IPO11: variants seen among roughly 807,000 people sequenced by gnomAD.
The protein encoded by IPO11 is importin 11.
A neutral mutation model predicts 143.2 loss-of-function variants in IPO11; 66 were observed. The ratio of observed to expected loss-of-function variants is 0.46; its 90% CI spans 0.38 to 0.57. The LOEUF (loss-of-function observed/expected upper bound fraction) is 0.57, where lower values mean the gene tolerates loss of function less well. Ranked by LOEUF, IPO11 falls within the 20% of genes least tolerant of loss-of-function variation. The pLI is 0.00. For synonymous variants in IPO11, 385 were observed against 377.8 expected, an observed-to-expected ratio of 1.02 and a Z score of -0.22; for missense variants, 1,026 against 1,141.0, an observed-to-expected ratio of 0.90 and a Z score of 1.45.
intron 27 of IPO11, among the ~76,000 whole-genome samples, chr5:62,587,182 T>G (rs2112419762): frequency 6.6e-6 from 1 of 151,434 alleles, no homozygotes; most frequent in African/African-American, 2.4e-5. Context: ...GCGACACTGC[T>G]GTGTGTGTGT....
At chr5:62,562,506 A>G (rs1743806390) in intron 27 of IPO11, among the ~76,000 whole-genome samples, 1 of 152,176 alleles carries the variant, frequency 6.6e-6, no homozygotes. Context: ...CACTGTTCAC[A>G]ATAGGGTTAC....
intron 19 of IPO11, among the ~76,000 whole-genome samples, chr5:62,514,603 C>G (rs1327021709): frequency 1.5e-5 from 2 of 132,332 alleles, no homozygotes; most frequent in Non-Finnish European, 3.1e-5. Flanking sequence ...GAGAGGGAGA[C>G]GGGAGAGGGA....
At chr5:62,542,992 C>T (rs2112334067) in intron 24 of IPO11, among the ~76,000 whole-genome samples, 1 of 152,252 alleles carries the variant, frequency 6.6e-6, no homozygotes, top group African/African-American at 2.4e-5. Flanking sequence ...GCATGTAAAA[C>T]ATAGATGTTA....
intron 20 of IPO11, among the ~76,000 whole-genome samples, chr5:62,525,478 G>A (rs967298594): frequency 6.6e-6 from 1 of 151,766 alleles, no homozygotes. Context: ...TGAATTCTAG[G>A]GCTCCAGCGA....
chr5:62,596,274 A>AAAAAAAAGAAAG (rs1745214075), intron 28 of IPO11, among the ~76,000 whole-genome samples: 1 of 150,788 alleles, frequency 6.6e-6, no homozygotes, highest in African/African-American at 2.5e-5. Context: ...GTCTCAAAAA[A>AAAAAAAAGAAAG]AAAAAAAAAG....
intron 24 of IPO11, among the ~76,000 whole-genome samples, chr5:62,541,352 C>G (rs1742930200): frequency 6.9e-6 from 1 of 145,862 alleles, no homozygotes; most frequent in Admixed American, 6.9e-5. Context: ...GCCTGGGCAA[C>G]AAGAGCGAAA....
chr5:62,434,410 C>T (rs1289002678), intron 1 of IPO11, among the ~76,000 whole-genome samples: 1 of 151,956 alleles, frequency 6.6e-6, no homozygotes, highest in Non-Finnish European at 1.5e-5. Context: ...TCAGGTGATC[C>T]TCCCACCTTA....
intron 27 of IPO11, among the ~76,000 whole-genome samples, chr5:62,568,070 A>G (rs1023899872): frequency 6.6e-6 from 1 of 150,378 alleles, no homozygotes; most frequent in South Asian, 2.1e-4. Context: ...GGGTCAAGCA[A>G]TCCTCCTACC....
chr5:62,460,914 G>C (rs975871278), intron 5 of IPO11, among the ~76,000 whole-genome samples: 1 of 152,098 alleles, frequency 6.6e-6, no homozygotes, highest in Non-Finnish European at 1.5e-5. Flanking sequence ...GTATCAGTTG[G>C]TGTTTTCTGG....
chr5:62,517,218 A>G (rs547706034), intron 20 of IPO11, among the ~76,000 whole-genome samples: 60 of 151,998 alleles, frequency 3.9e-4, no homozygotes, highest in Non-Finnish European at 6.9e-4. Flanking sequence ...AAAAAAAATA[A>G]GTGGCCCAGA....
chr5:62,451,681 A>G (rs759304359), intron 4 of IPO11, 49 bp from the exon 5 acceptor site: 4 of 1,394,416 alleles, frequency 2.9e-6, no homozygotes, highest in East Asian at 4.6e-5. Context: ...CCGTGAATGC[A>G]TTCCTTATCT....
chr5:62,576,542 G>A (rs1008026111), intron 27 of IPO11, among the ~76,000 whole-genome samples: 5 of 152,178 alleles, frequency 3.3e-5, no homozygotes, highest in Admixed American at 6.5e-5. Context: ...TGTAATCCCA[G>A]CACTTTGGGA....
chr5:62,482,752 T>G (rs548493264), intron 9 of IPO11, among the ~76,000 whole-genome samples: 2 of 152,304 alleles, frequency 1.3e-5, no homozygotes, highest in Non-Finnish European at 2.9e-5. Context: ...GGGAAGATAA[T>G]ATTTAAATTC....
intron 29 of IPO11, among the ~76,000 whole-genome samples, chr5:62,602,645 C>A (rs918913506): frequency 1.3e-5 from 2 of 152,186 alleles, no homozygotes; most frequent in African/African-American, 4.8e-5. Context: ...TTACACCTCG[C>A]ATTACAGCAC....
Position 62,620,444 on chromosome 5 carries a change from G to A in IPO11, c.2764-6710G>A, listed in dbSNP as rs1180870829. 1.1e-4 allele frequency among the ~76,000 whole-genome samples: 16 copies of A among 151,232 alleles called. No homozygotes were observed. The South Asian group carries it at 1.5e-3, about 14-fold the overall frequency. ...TGAGGCAGGAGAATGGCATGAACCC[G>A]GGAGGCGGAGCTTGCGGTGAGCCAA... On this transcript the variant is annotated intron_variant, in intron 29 of 29. Coordinates refer to ENST00000325324, the MANE Select transcript of IPO11 (RefSeq NM_016338.5).
chr5:62,538,853 C>T (rs914237860), intron 24 of IPO11, among the ~76,000 whole-genome samples: 82 of 152,240 alleles, frequency 5.4e-4, no homozygotes, highest in Non-Finnish European at 1.0e-4. Context: ...TATTCACTGT[C>T]GTAACTCTGC....
At chr5:62,472,859 A>C (rs1223337676) in intron 7 of IPO11, among the ~76,000 whole-genome samples, 3 of 152,320 alleles carry the variant, frequency 2.0e-5, no homozygotes, top group African/African-American at 7.2e-5. Context: ...GAGAGCTTAA[A>C]AGATGCTAAA....
chr5:62,475,150 G>A (rs1263064486), intron 8 of IPO11, among the ~76,000 whole-genome samples: 9 of 151,980 alleles, frequency 5.9e-5, no homozygotes, highest in South Asian at 2.1e-4. Context: ...AAAGCGATCC[G>A]CCCACCTTTG....
intron 22 of IPO11, among the ~76,000 whole-genome samples, chr5:62,533,993 A>G (rs982169318): frequency 1.3e-5 from 2 of 151,466 alleles, no homozygotes; most frequent in Non-Finnish European, 2.9e-5. Flanking sequence ...AAAGTTTCTT[A>G]CTTTAAAACA....
Sources: allele counts gnomAD v4.1 joint callset (sites outside exome capture counted in the v4.1 genomes callset), GRCh38; gene constraint gnomAD v4.1.1; transcripts MANE v1.5; gene names NCBI Gene and HGNC (gene_info 2026-07-23, HGNC 2026-07-21).